ST6GALNAC5: variants seen among roughly 807,000 people sequenced by gnomAD.
The protein encoded by ST6GALNAC5 is alpha-N-acetylgalactosaminide alpha-2,6-sialyltransferase 5.
ST6GALNAC5 carries 27 observed loss-of-function variants against 33.6 expected under a neutral mutation model. The ratio of observed to expected loss-of-function variants is 0.80; its 90% CI spans 0.59 to 1.11. The LOEUF is 1.11. Among genes scored for constraint, ST6GALNAC5 ranks in the 50% least tolerant of loss-of-function variants. ST6GALNAC5 has a pLI of 0.00. For missense variants in ST6GALNAC5, 428 were observed against 454.0 expected (o/e 0.94, Z 0.52); for synonymous variants, 194 against 171.2 (o/e 1.13, Z -1.04).
chr1:76,958,617 T>C (rs1012746279), intron 2 of ST6GALNAC5, among the ~76,000 whole-genome samples: 4 of 152,278 alleles, frequency 2.6e-5, no homozygotes, highest in Non-Finnish European at 5.9e-5. Flanking sequence ...TTGTTGTTTT[T>C]TTGTTTTTTA....
chr1:77,047,993 A>T (rs1157413516), intron 3 of ST6GALNAC5, among the ~76,000 whole-genome samples: 2 of 152,242 alleles, frequency 1.3e-5, no homozygotes, highest in East Asian at 3.8e-4. Flanking sequence ...GAAAGACAGC[A>T]CAAAGTGTTG....
intron 2 of ST6GALNAC5, among the ~76,000 whole-genome samples, chr1:76,883,335 C>G (rs1051820132): frequency 1.3e-5 from 2 of 152,176 alleles, no homozygotes; most frequent in Non-Finnish European, 2.9e-5. Context: ...CATAACTTAT[C>G]TTGGTATCCA....
At chr1:77,055,811 T>A (rs187003481) in intron 4 of ST6GALNAC5, among the ~76,000 whole-genome samples, 59 of 152,320 alleles carry the variant, frequency 3.9e-4, no homozygotes, top group Non-Finnish European at 7.3e-4. Context: ...CCTGTCTCAA[T>A]CCACATTTGT....
At chr1:76,926,505 T>TA (rs908536021) in intron 2 of ST6GALNAC5, among the ~76,000 whole-genome samples, 29 of 152,238 alleles carry the variant, frequency 1.9e-4, no homozygotes, top group Admixed American at 5.2e-4. Flanking sequence ...CAAGAAATAT[T>TA]AAAAAAAGTA....
intron 2 of ST6GALNAC5, among the ~76,000 whole-genome samples, chr1:76,957,214 G>T (rs1648038378): frequency 6.6e-6 from 1 of 152,120 alleles, no homozygotes. Flanking sequence ...GCAGGGCCAT[G>T]CTCCCTCTGA....
At chr1:76,982,737 G>T (rs1649308186) in intron 2 of ST6GALNAC5, among the ~76,000 whole-genome samples, 1 of 152,074 alleles carries the variant, frequency 6.6e-6, no homozygotes, top group Non-Finnish European at 1.5e-5. Context: ...TGAAATGAAG[G>T]AAAAAGTATA....
chr1:76,967,648 C>T (rs757482328), intron 2 of ST6GALNAC5, among the ~76,000 whole-genome samples: 50 of 152,286 alleles, frequency 3.3e-4, no homozygotes, highest in Non-Finnish European at 5.7e-4. Flanking sequence ...TTTGCTCTTG[C>T]TTCACTGGTT....
chr1:76,880,987 A>C (rs1221320672), intron 2 of ST6GALNAC5, among the ~76,000 whole-genome samples: 3 of 152,222 alleles, frequency 2.0e-5, no homozygotes, highest in African/African-American at 7.2e-5. Context: ...ATGGAAGATT[A>C]AATGTGTGAA....
intron 2 of ST6GALNAC5, among the ~76,000 whole-genome samples, chr1:77,009,007 G>T (rs772955876): frequency 3.3e-5 from 5 of 152,180 alleles, no homozygotes; most frequent in Non-Finnish European, 5.9e-5. Flanking sequence ...TGCCATTTGT[G>T]TGTAGCCAGT....
chr1:76,881,178 C>T (rs1653770057), intron 2 of ST6GALNAC5, among the ~76,000 whole-genome samples: 1 of 152,136 alleles, frequency 6.6e-6, no homozygotes, highest in Non-Finnish European at 1.5e-5. Context: ...CGGAAGAACT[C>T]TCATGGGAGT....
chr1:76,896,220 C>G (rs570920823), intron 2 of ST6GALNAC5, among the ~76,000 whole-genome samples: 5 of 152,274 alleles, frequency 3.3e-5, no homozygotes, highest in East Asian at 3.9e-4. Flanking sequence ...GGAAAGGCCT[C>G]TACCTATCCA....
In ST6GALNAC5 at chr1:76,976,242, A is replaced by G. The variant is rs138286878; in HGVS notation, c.262-67962A>G. Among the ~76,000 whole-genome samples, 208 of 152,318 alleles carry G rather than the reference A, an allele frequency of 1.4e-3. 2 individuals carry two copies. The highest frequency in any genetic ancestry group is 4.6e-3 in the African/African-American group (190 of 41,582). On this transcript the variant is annotated intron_variant, in intron 2 of 4. Coordinates refer to ENST00000477717, the MANE Select transcript of ST6GALNAC5 (RefSeq NM_030965.3). The stretch of plus-strand genomic sequence containing the variant: ...TTTGCAAAAGTATGTGCTTTATAAT[A>G]ATTCATGGAGTTTTACATTTATATT...
intron 2 of ST6GALNAC5, among the ~76,000 whole-genome samples, chr1:76,964,466 T>A (rs1648374029): frequency 6.6e-6 from 1 of 152,140 alleles, no homozygotes; most frequent in African/African-American, 2.4e-5. Flanking sequence ...TTCTCTCTCA[T>A]GGGCCCCGAA....
At chr1:76,987,154 A>G (rs1360111234) in intron 2 of ST6GALNAC5, among the ~76,000 whole-genome samples, 1 of 152,216 alleles carries the variant, frequency 6.6e-6, no homozygotes, top group African/African-American at 2.4e-5. Flanking sequence ...GTACCCTAGA[A>G]CTTAAAGTAT....
chr1:77,008,094 C>T (rs983796107), intron 2 of ST6GALNAC5, among the ~76,000 whole-genome samples: 1 of 152,086 alleles, frequency 6.6e-6, no homozygotes, highest in Non-Finnish European at 1.5e-5. Flanking sequence ...GAAAATTTGA[C>T]TTTTATAAAC....
Position 77,044,304 on chromosome 1 carries a change from TC to T in ST6GALNAC5, c.364del (p.Arg122AlafsTer2), listed in dbSNP as rs1427361651. Reference protein sequence around the residue: ...GSQIDQTECVIRMNDAPTRGY... With the variant: ...GSQIDQTECVXRMNDAPTRGY... ...CAGATTGACCAGACAGAGTGTGTCA[TC>T]CGCATGAATGACGCCCCCACACGCG... On this transcript the variant is annotated frameshift_variant, in exon 3 of 5. Coordinates refer to ENST00000477717, the MANE Select transcript of ST6GALNAC5 (RefSeq NM_030965.3). LOFTEE classifies it high-confidence loss of function. 2.5e-6 allele frequency: 4 copies of T among 1,613,812 alleles called. No homozygotes were observed. Among genetic ancestry groups the T allele is most frequent in the Non-Finnish European group, 3.4e-6 (4 of 1,180,020 alleles).
At chr1:76,900,337 G>A (rs140091230) in intron 2 of ST6GALNAC5, among the ~76,000 whole-genome samples, 47 of 136,566 alleles carry the variant, frequency 3.4e-4, no homozygotes, top group African/African-American at 1.1e-3. Context: ...GGATGTGTAC[G>A]TGCAGGTCAC....
At chr1:77,008,487 C>A (rs1332975002) in intron 2 of ST6GALNAC5, among the ~76,000 whole-genome samples, 1 of 152,112 alleles carries the variant, frequency 6.6e-6, no homozygotes, top group Non-Finnish European at 1.5e-5. Context: ...TAGCATAGTG[C>A]CTGCAGTGGA....
rs992168876 is a variant in ST6GALNAC5, at chr1:76,967,175, C to A, written c.262-77029C>A. Among the ~76,000 whole-genome samples, 7 of 152,288 alleles carry A rather than the reference C, an allele frequency of 4.6e-5. No individual in the cohort carries two copies. The East Asian group carries it at 7.7e-4, about 17-fold the overall frequency. On this transcript the variant is annotated intron_variant, in intron 2 of 4. Transcript: ENST00000477717. Reference sequence around the variant, plus strand: ...CGGAATACTTTCAGAAGGAATGGTACCAGCTCCTCTTTGTATCTCTGGTAC... The same window carrying A: ...CGGAATACTTTCAGAAGGAATGGTAACAGCTCCTCTTTGTATCTCTGGTAC...
Sources: allele counts gnomAD v4.1 joint callset (sites outside exome capture counted in the v4.1 genomes callset), GRCh38; gene constraint gnomAD v4.1.1; transcripts MANE v1.5; gene names NCBI Gene and HGNC (gene_info 2026-07-23, HGNC 2026-07-21).